The following CGREF1 variants were observed in gnomAD, a reference collection of about 807,000 sequenced individuals.
CGREF1 encodes the protein cell growth regulator with EF hand domain protein 1.
A neutral mutation model predicts 17.4 loss-of-function variants in CGREF1; 16 were observed. The ratio of observed to expected loss-of-function variants is 0.92; its 90% confidence interval spans 0.62 to 1.40. CGREF1 has a LOEUF of 1.40. CGREF1 is among the 40% of genes most tolerant of loss of function. The pLI is 0.00. For missense variants in CGREF1, 296 were observed against 376.4 expected, an observed-to-expected ratio of 0.79 and a Z score of 1.77; for synonymous variants, 142 against 154.6, an observed-to-expected ratio of 0.92 and a Z score of 0.61.
downstream of CGREF1, chr2:27,099,519 G>A: frequency 6.2e-7 from 1 of 1,614,178 alleles, no homozygotes; most frequent in Non-Finnish European, 8.5e-7. Flanking sequence ...CCCGCGTGGT[G>A]GATACACTGG....
chr2:27,118,413 G>T (rs1372785673), intron 1 of CGREF1, among the ~76,000 whole-genome samples: 1 of 152,150 alleles, frequency 6.6e-6, no homozygotes, highest in African/African-American at 2.4e-5. Context: ...GGAGACAGCG[G>T]CTACAGGGCT....
In CGREF1 at chr2:27,104,502, C is replaced by T. The variant is rs1671041420; in HGVS notation, c.-11-125G>A. 4 of 1,551,470 alleles carry T rather than the reference C, an allele frequency of 2.6e-6. No individual in the cohort carries two copies. The South Asian group carries it at 4.8e-5, about 18-fold the overall frequency. On this transcript the variant is annotated intron_variant, in intron 1 of 5. Transcript: ENST00000402394. ...TACCTGCAGCCCCAAAGACAGGACT[C>T]CTGCTCAGGGAGGACTCACAGACAG...
intron 1 of CGREF1, chr2:27,104,608 C>T: frequency 6.4e-7 from 1 of 1,550,612 alleles, no homozygotes; most frequent in South Asian, 1.2e-5. Flanking sequence ...GGCAGGCCTG[C>T]TGTGGCGGAA....
chr2:27,110,405 AT>A (rs1368898258), intron 1 of CGREF1, among the ~76,000 whole-genome samples: 2 of 7,642 alleles, frequency 2.6e-4, no homozygotes, highest in Non-Finnish European at 8.7e-4. Context: ...CTCCAAAAAA[AT>A]ACACACACAC....
chr2:27,102,015 CAA>C (rs1255036137), intron 5 of CGREF1, 80 bp downstream of exon 5: 13 of 1,559,950 alleles, frequency 8.3e-6, no homozygotes, highest in African/African-American at 2.7e-5. Context: ...GAGGACTCAC[CAA>C]AAGAGTTATG....
intron 1 of CGREF1, chr2:27,104,726 C>T: frequency 6.5e-7 from 1 of 1,528,706 alleles, no homozygotes; most frequent in East Asian, 2.5e-5. Flanking sequence ...TCCTTCAGCC[C>T]ATTCATCTTA....
chr2:27,116,711 A>G (rs1671576736), intron 1 of CGREF1, among the ~76,000 whole-genome samples: 1 of 150,608 alleles, frequency 6.6e-6, no homozygotes, highest in Non-Finnish European at 1.5e-5. Context: ...CTGGGATTAC[A>G]GGCATGTGCC....
At chr2:27,109,885 CAAAAAAAA>C (rs55824603) in intron 1 of CGREF1, among the ~76,000 whole-genome samples, 2 of 65,836 alleles carry the variant, frequency 3.0e-5, no homozygotes, top group East Asian at 5.5e-4. Context: ...GACTCCGTCT[CAAAAAAAA>C]AAAAAAAAAA....
At chr2:27,099,914 G>C, downstream of CGREF1, 1 of 1,490,580 alleles carries the variant, frequency 6.7e-7, no homozygotes, top group Non-Finnish European at 9.1e-7. Flanking sequence ...GAGAGGCTCT[G>C]GGGGGATGGC....
intron 1 of CGREF1, among the ~76,000 whole-genome samples, chr2:27,107,311 G>A (rs922687163): frequency 1.3e-5 from 2 of 151,476 alleles, no homozygotes; most frequent in Non-Finnish European, 2.9e-5. Context: ...CTGGAGTGCC[G>A]TGGTGCAATC....
chr2:27,104,506 C>G, intron 1 of CGREF1, 129 bp from the exon 2 acceptor site: 1 of 1,551,404 alleles, frequency 6.4e-7, no homozygotes, highest in Non-Finnish European at 8.7e-7. Context: ...AGGACTCCTG[C>G]TCAGGGAGGA....
chr2:27,111,910 C>T (rs1429733493), intron 1 of CGREF1, among the ~76,000 whole-genome samples: 1 of 152,226 alleles, frequency 6.6e-6, no homozygotes, highest in Non-Finnish European at 1.5e-5. Flanking sequence ...CAGAAAGGGG[C>T]TCCCACAGTG....
downstream of CGREF1, chr2:27,099,396 C>CAGCTGAGT (rs746979459): frequency 2.5e-6 from 4 of 1,612,570 alleles, no homozygotes; most frequent in Non-Finnish European, 3.4e-6. Flanking sequence ...GGCTAACACC[C>CAGCTGAGT]AGCTGAGTGG....
downstream of CGREF1, chr2:27,099,913 T>G (rs547511888): frequency 6.4e-5 from 95 of 1,491,990 alleles, no homozygotes; most frequent in African/African-American, 1.2e-3. Flanking sequence ...GGAGAGGCTC[T>G]GGGGGGATGG....
intron 1 of CGREF1, among the ~76,000 whole-genome samples, chr2:27,109,741 T>C (rs1418876561): frequency 6.6e-6 from 1 of 151,650 alleles, no homozygotes; most frequent in African/African-American, 2.4e-5. Context: ...CAAAATTAGC[T>C]GGGCAAGGTG....
At chr2:27,102,283 A>G in intron 4 of CGREF1, 62 bp from the exon 5 acceptor site, 5 of 1,612,460 alleles carry the variant, frequency 3.1e-6, no homozygotes, top group Non-Finnish European at 4.2e-6. Context: ...GCAGGAGTCA[A>G]TGGGGCAGCC....
chr2:27,116,871 TTCTCTCTCTC>T (rs537582075), intron 1 of CGREF1, among the ~76,000 whole-genome samples: 754 of 33,682 alleles, frequency 0.022, 13 homozygotes, highest in Middle Eastern at 0.11. Context: ...GCCAGGCCTA[TTCTCTCTCTC>T]TCTCTCTCTC....
chr2:27,107,650 AG>A (rs1174850308), intron 1 of CGREF1, among the ~76,000 whole-genome samples: 4 of 149,584 alleles, frequency 2.7e-5, no homozygotes, highest in Non-Finnish European at 5.9e-5. Flanking sequence ...AAAAAAAAAA[AG>A]AGGCCGGGTG....
Position 27,100,596 on chromosome 2 carries a change from G to A in CGREF1, c.*678C>T. 1.6e-6 allele frequency: 2 copies of A among 1,256,272 alleles called. No individual in the cohort carries two copies. Among genetic ancestry groups the A allele is most frequent in the Non-Finnish European group, 2.1e-6 (2 of 959,766 alleles). The allele number at this position is 1,256,272 out of a possible 1,614,324, so 77.8% of individuals were successfully genotyped here. On this transcript the variant is annotated 3_prime_UTR_variant, in exon 6 of 6. Transcript: ENST00000402394. ...AGGGCTTTAGAGTGAGACAGACCTG[G>A]ATTAAAATCTGCCATTTAATTAGCT...
Sources: gnomAD v4.1 joint callset for allele counts (sites outside exome capture counted in the v4.1 genomes callset) on GRCh38, gnomAD v4.1.1 for gene constraint, MANE v1.5 for transcripts, NCBI Gene and HGNC (gene_info 2026-07-23, HGNC 2026-07-21) for gene names.